Variants in ARHGAP29 observed in about 807,000 individuals in gnomAD.
ARHGAP29 encodes rho GTPase-activating protein 29.
Under a neutral mutation model 122.6 loss-of-function variants are expected in ARHGAP29, and 43 were observed. The ratio of observed to expected loss-of-function variants is 0.35; its 90% confidence interval spans 0.27 to 0.45. The LOEUF (loss-of-function observed/expected upper bound fraction) is 0.45, where lower values mean the gene tolerates loss of function less well. ARHGAP29 is among the 20% of genes least tolerant of loss of function. The pLI, the probability that ARHGAP29 is intolerant of heterozygous loss-of-function variation, is 1.00. For synonymous variants in ARHGAP29, 506 were observed against 497.1 expected, an observed-to-expected ratio of 1.02 and a Z score of -0.24; for missense variants, 1,303 against 1,477.2, an observed-to-expected ratio of 0.88 and a Z score of 1.93.
chr1:94,246,095 T>C (rs1687948), intron 1 of ARHGAP29, among the ~76,000 whole-genome samples: 151,893 of 152,358 alleles, frequency 1, 75,720 homozygotes, highest in Middle Eastern at 1. Context: ...TCTACTCAGG[T>C]CTATTCTATT....
intron 1 of ARHGAP29, among the ~76,000 whole-genome samples, chr1:94,269,797 T>C (rs529796265): frequency 3.9e-5 from 6 of 152,242 alleles, no homozygotes; most frequent in African/African-American, 1.2e-4. Flanking sequence ...TGTATTCTAG[T>C]TGGGGAGACA....
At chr1:94,312,638 G>C in the ARHGAP29 span, among the ~76,000 whole-genome samples, 7 of 151,906 alleles carry the variant, frequency 4.6e-5, no homozygotes, top group African/African-American at 1.5e-4. Flanking sequence ...CACCATGTTG[G>C]CCAGGCTGCT....
At chr1:94,185,171 G>A (rs1424722410) in intron 17 of ARHGAP29, 111 bp from the exon 18 acceptor site, 17 of 1,216,056 alleles carry the variant, frequency 1.4e-5, no homozygotes, top group South Asian at 3.4e-5. Context: ...TATTACTTGC[G>A]CTATTTGAAA....
chr1:94,252,371 T>C (rs529212719), intron 1 of ARHGAP29, among the ~76,000 whole-genome samples: 25 of 152,318 alleles, frequency 1.6e-4, no homozygotes, highest in African/African-American at 5.3e-4. Context: ...AATTTTTTCA[T>C]AGAAGTAAAA....
chr1:94,227,444 C>T (rs908424898), intron 2 of ARHGAP29, among the ~76,000 whole-genome samples: 2 of 151,570 alleles, frequency 1.3e-5, no homozygotes, highest in African/African-American at 2.4e-5. Context: ...GCACCATAGT[C>T]ACAAACCAAA....
rs766839102 is a variant in ARHGAP29, at chr1:94,204,011, G to A, written c.698-17C>T. 8.1e-6 allele frequency: 13 copies of A among 1,608,490 alleles called. No individual in the cohort carries two copies. The South Asian group carries it at 1.1e-4, about 14-fold the overall frequency. On this transcript the variant is annotated splice_polypyrimidine_tract_variant and intron_variant, in intron 7 of 22. Transcript: ENST00000260526. ...ACTCCAATTCTGAAAAGTTCAAAGA[G>A]GGTATCAGAAGGTAAAATCAATTTA...
the ARHGAP29 span, among the ~76,000 whole-genome samples, chr1:94,308,399 G>A: frequency 6.6e-6 from 1 of 152,130 alleles, no homozygotes. Context: ...GTTAGGTCAT[G>A]CAGTCTCTGA....
chr1:94,179,542 G>A (rs1233505556), intron 20 of ARHGAP29, among the ~76,000 whole-genome samples, 183 bp downstream of exon 20: 2 of 136,684 alleles, frequency 1.5e-5, no homozygotes, highest in African/African-American at 2.8e-5. Flanking sequence ...GCAGAGAGCC[G>A]AGATTGTGCT....
At chr1:94,249,888 G>A (rs1377309377) in intron 1 of ARHGAP29, among the ~76,000 whole-genome samples, 1 of 152,144 alleles carries the variant, frequency 6.6e-6, no homozygotes, top group Non-Finnish European at 1.5e-5. Context: ...AAGTTCCACA[G>A]TACTACATTA....
At chr1:94,232,991 T>C (rs1380100156) in intron 1 of ARHGAP29, among the ~76,000 whole-genome samples, 1 of 151,040 alleles carries the variant, frequency 6.6e-6, no homozygotes, top group African/African-American at 2.4e-5. Context: ...ATCACCCAGG[T>C]TGGAGTGCAG....
chr1:94,234,904 A>T (rs1653157062), intron 1 of ARHGAP29, among the ~76,000 whole-genome samples: 1 of 152,218 alleles, frequency 6.6e-6, no homozygotes, highest in Admixed American at 6.5e-5. Context: ...AATTAAAGAC[A>T]TTAAAACAAT....
chr1:94,284,566 A>G, the ARHGAP29 span, among the ~76,000 whole-genome samples: 52 of 152,342 alleles, frequency 3.4e-4, no homozygotes, highest in Admixed American at 1.2e-3. Flanking sequence ...GAGCCAATGC[A>G]TGGTTGGCTA....
intron 1 of ARHGAP29, among the ~76,000 whole-genome samples, chr1:94,244,564 C>T (rs947231739): frequency 5.9e-5 from 9 of 151,672 alleles, no homozygotes; most frequent in African/African-American, 2.2e-4. Flanking sequence ...TTAGCCAGTA[C>T]AGTAAGACAA....
At chr1:94,245,314 G>C (rs1653748822) in intron 1 of ARHGAP29, among the ~76,000 whole-genome samples, 1 of 152,022 alleles carries the variant, frequency 6.6e-6, no homozygotes. Flanking sequence ...TTTCATGATA[G>C]TCAAAAACAA....
chr1:94,215,104 G>GAAAAAAAAAAAAAAAAAAAAA (rs199693229), intron 3 of ARHGAP29, among the ~76,000 whole-genome samples: 4 of 83,636 alleles, frequency 4.8e-5, no homozygotes, highest in South Asian at 4.1e-4. Context: ...GCATGAAAAG[G>GAAAAAAAAAAAAAAAAAAAAA]AAAAAAAAAA....
In ARHGAP29 at chr1:94,184,285, T is replaced by C; in HGVS notation, c.2113A>G (p.Ile705Val). 1 of 1,596,082 alleles carries C rather than the reference T, an allele frequency of 6.3e-7. No homozygotes were observed. The highest frequency in any genetic ancestry group is 8.5e-7 in the Non-Finnish European group (1 of 1,175,376). Reference sequence around the variant, plus strand: ...ATTTTGTTTCCACACACACGATAAATTCCCTTCAATAGAAAAGAAAAAAAT... The same window carrying C: ...ATTTTGTTTCCACACACACGATAAACTCCCTTCAATAGAAAAGAAAAAAAT... ...IENRALCLQGIYRVCGNKIKT... is the reference protein window; with the variant it reads ...IENRALCLQGVYRVCGNKIKT... The change falls in exon 19 of 23, where the codon ATT becomes GTT. Residue 705 changes from isoleucine to valine, a missense_variant. Physicochemically the swap from Ile to Val is conservative, Grantham distance 29. This residue lies in a region of ARHGAP29 where 91 missense variants were observed against 177.8 expected (regional missense o/e 0.51). Transcript: ENST00000260526.
rs910508572 is a variant in ARHGAP29 at position 94,172,286 on chromosome 1, G to A, written c.*1583C>T. 7 of 152,172 alleles carry A rather than the reference G, an allele frequency of 4.6e-5. No homozygotes were observed. In the East Asian group the frequency reaches 1.4e-3, roughly 29 times the overall value. 9.4% of individuals were successfully genotyped at this position (152,172 alleles called of 1,614,324 possible). A position where few individuals can be genotyped will look rare whatever the true frequency, so the allele number is the denominator to read the frequency against. The stretch of plus-strand genomic sequence containing the variant: ...ATAATCTATGTAGCACCTTGGCAAA[G>A]TTCCTGGCACACAGAGAAGGCTCAA... On this transcript the variant is annotated 3_prime_UTR_variant, in exon 23 of 23. Transcript: ENST00000260526.
intron 12 of ARHGAP29, among the ~76,000 whole-genome samples, chr1:94,199,722 C>A (rs192073592): frequency 6.6e-6 from 1 of 152,310 alleles, no homozygotes; most frequent in East Asian, 1.9e-4. Flanking sequence ...GTTTACCTTG[C>A]CTTTCCTGAG....
In ARHGAP29 at chr1:94,205,630, A is replaced by G. The variant is rs1651143919; in HGVS notation, c.559+5T>C. ...GTGAAAAGTTATAAACACCTTGAGC[A>G]TTACCTTTTTCACTGGATGAGTCCA... On this transcript the variant is annotated splice_donor_5th_base_variant and intron_variant, in intron 6 of 22. Transcript: ENST00000260526. 6.2e-7 allele frequency: 1 copy of G among 1,611,886 alleles called. No homozygotes were observed. The highest frequency in any genetic ancestry group is 2.2e-5 in the East Asian group (1 of 44,724).
Sources: allele counts gnomAD v4.1 joint callset (sites outside exome capture counted in the v4.1 genomes callset), GRCh38; gene constraint gnomAD v4.1.1; regional missense constraint gnomAD v4.1.1; transcripts MANE v1.5; gene names NCBI Gene and HGNC (gene_info 2026-07-23, HGNC 2026-07-21).